Variants in GPD1L observed in about 807,000 individuals in gnomAD.
GPD1L encodes the protein glycerol-3-phosphate dehydrogenase 1 like.
In GPD1L, 17 loss-of-function variants were observed where a neutral mutation model predicts 32.9. The observed-to-expected ratio is 0.52, with a 90% CI of 0.35 to 0.78. The LOEUF is 0.78. Ranked by LOEUF, GPD1L falls within the 30% of genes least tolerant of loss-of-function variation. The probability of loss-of-function intolerance (pLI) is 0.01; values close to 1 mark genes in which losing one functional copy is unlikely to be tolerated. For synonymous variants in GPD1L, 187 were observed against 165.9 expected (o/e 1.13, Z -0.98); for missense variants, 361 against 447.8 (o/e 0.81, Z 1.75).
intron 3 of GPD1L, 40 bp downstream of exon 3, chr3:32,138,767 A>T (rs1700701193): frequency 6.2e-7 from 1 of 1,605,654 alleles, no homozygotes. Context: ...GACATTGGTT[A>T]TCAGGAAATT....
At chr3:32,153,245 C>T (rs1265375061) in intron 5 of GPD1L, among the ~76,000 whole-genome samples, 1 of 152,160 alleles carries the variant, frequency 6.6e-6, no homozygotes, top group Non-Finnish European at 1.5e-5. Flanking sequence ...CCAAAAGCAC[C>T]TTTATGTGAG....
At chr3:32,165,033 G>C (rs763378462) in intron 7 of GPD1L, among the ~76,000 whole-genome samples, 1 of 152,042 alleles carries the variant, frequency 6.6e-6, no homozygotes, top group African/African-American at 2.4e-5. Context: ...GTAAAACCCC[G>C]TCTCTACTAA....
chr3:32,159,680 TC>T lies in GPD1L; in HGVS notation c.959+7del. The T allele has an allele frequency of 6.5e-7, 1 of 1,532,024 alleles. No homozygotes were observed. Among genetic ancestry groups the T allele is most frequent in the Non-Finnish European group, 9.0e-7 (1 of 1,105,556 alleles). 94.9% of individuals were successfully genotyped at this position (1,532,024 alleles called of 1,614,324 possible). On this transcript the variant is annotated splice_region_variant and intron_variant, in intron 7 of 7. Transcript: ENST00000282541. Reference sequence around the variant, plus strand: ...CAGAAGGGACTACTGGACAAGTAAGTCTCTCAGTCGCCCATGAGACCAGATA... The same window carrying T: ...CAGAAGGGACTACTGGACAAGTAAGTTCTCAGTCGCCCATGAGACCAGATA...
At chr3:32,147,506 C>T (rs1005434157) in intron 5 of GPD1L, among the ~76,000 whole-genome samples, 2 of 152,106 alleles carry the variant, frequency 1.3e-5, no homozygotes, top group East Asian at 3.9e-4. Context: ...GGCACTGTCC[C>T]TCTCTCTGCC....
intron 5 of GPD1L, among the ~76,000 whole-genome samples, chr3:32,155,565 A>G (rs1487072831): frequency 6.6e-6 from 1 of 152,204 alleles, no homozygotes; most frequent in Admixed American, 6.5e-5. Context: ...GAGCAATTTC[A>G]GGAATCTGAC....
chr3:32,123,329 C>T (rs1414253740), intron 1 of GPD1L, among the ~76,000 whole-genome samples: 1 of 152,214 alleles, frequency 6.6e-6, no homozygotes, highest in African/African-American at 2.4e-5. Flanking sequence ...ATATTACTAC[C>T]TGCCAAGGCT....
chr3:32,130,366 C>T (rs1419493508), intron 2 of GPD1L, among the ~76,000 whole-genome samples: 1 of 152,174 alleles, frequency 6.6e-6, no homozygotes. Context: ...CAGGTAGCCA[C>T]CTAAAAGTAC....
In GPD1L at chr3:32,168,321, A is replaced by T. The variant is rs931627305; in HGVS notation, c.*2411A>T. 1 of 152,608 alleles carries T rather than the reference A, an allele frequency of 6.6e-6. No individual in the cohort carries two copies. The highest frequency in any genetic ancestry group is 6.5e-5 in the Admixed American group (1 of 15,276). 9.5% of individuals were successfully genotyped at this position (152,608 alleles called of 1,614,324 possible). On this transcript the variant is annotated 3_prime_UTR_variant, in exon 8 of 8. Transcript: ENST00000282541. ...TTGTTCATTTTAATTCACATTTCTTATGAAGTATGGTAACAGGGAGGGAGA... is the reference window on the plus strand; with the variant it reads ...TTGTTCATTTTAATTCACATTTCTTTTGAAGTATGGTAACAGGGAGGGAGA...
At chr3:32,159,879 C>T (rs751783374) in intron 7 of GPD1L, among the ~76,000 whole-genome samples, 1 of 152,182 alleles carries the variant, frequency 6.6e-6, no homozygotes, top group Non-Finnish European at 1.5e-5. Flanking sequence ...AAACCAGGCT[C>T]AACTTCAATG....
At chr3:32,130,554 G>A (rs1700572718) in intron 2 of GPD1L, among the ~76,000 whole-genome samples, 1 of 152,112 alleles carries the variant, frequency 6.6e-6, no homozygotes, top group Non-Finnish European at 1.5e-5. Context: ...CACTCATCAT[G>A]TGGCCCCTCC....
chr3:32,141,258 AT>A (rs924519312), intron 4 of GPD1L, among the ~76,000 whole-genome samples: 1 of 152,032 alleles, frequency 6.6e-6, no homozygotes. Flanking sequence ...ACTTTTTAGG[AT>A]TTTTTTGGAA....
At chr3:32,163,764 CTTG>C (rs1559584740) in intron 7 of GPD1L, among the ~76,000 whole-genome samples, 2 of 152,334 alleles carry the variant, frequency 1.3e-5, no homozygotes, top group Non-Finnish European at 2.9e-5. Flanking sequence ...CTTCATATCT[CTTG>C]TTAACATCCC....
intron 5 of GPD1L, among the ~76,000 whole-genome samples, chr3:32,149,213 C>T (rs1700875440): frequency 6.6e-6 from 1 of 152,118 alleles, no homozygotes; most frequent in Non-Finnish European, 1.5e-5. Flanking sequence ...GCACATGCTG[C>T]CATGCCCGAC....
Position 32,159,511 on chromosome 3 carries a change from A to G in GPD1L, c.853-57A>G, listed in dbSNP as rs978683261. The G allele has an allele frequency of 6.8e-6, 7 of 1,034,122 alleles. No individual in the cohort carries two copies. In the East Asian group the frequency reaches 1.5e-4, roughly 22 times the overall value. The allele number at this position is 1,034,122 out of a possible 1,614,324, so 64.1% of individuals were successfully genotyped here. A position where few individuals can be genotyped will look rare whatever the true frequency, so the allele number is the denominator to read the frequency against. On this transcript the variant is annotated intron_variant, in intron 6 of 7. Coordinates refer to ENST00000282541, the MANE Select transcript of GPD1L (RefSeq NM_015141.4). ...AAAACACTTAAAAATTAAACAAATA[A>G]ATGATTCTTTAGTCTTTACCATAGT...
intron 3 of GPD1L, among the ~76,000 whole-genome samples, chr3:32,139,318 TAC>T (rs1292584706): frequency 1.3e-5 from 2 of 152,242 alleles, no homozygotes; most frequent in Non-Finnish European, 2.9e-5. Context: ...CATTTCAGTT[TAC>T]ACCTTTTTCT....
At chr3:32,150,289 T>A (rs535087571) in intron 5 of GPD1L, among the ~76,000 whole-genome samples, 1 of 152,196 alleles carries the variant, frequency 6.6e-6, no homozygotes, top group African/African-American at 2.4e-5. Context: ...GTACTTCATA[T>A]AGAAAAGTAC....
At chr3:32,145,035 C>T (rs557182328) in intron 4 of GPD1L, among the ~76,000 whole-genome samples, 4 of 150,660 alleles carry the variant, frequency 2.7e-5, no homozygotes, top group African/African-American at 7.3e-5. Context: ...ATAAAATTCG[C>T]GGGCCGGGTG....
At chr3:32,154,816 C>T (rs1363889124) in intron 5 of GPD1L, among the ~76,000 whole-genome samples, 2 of 151,720 alleles carry the variant, frequency 1.3e-5, no homozygotes, top group African/African-American at 2.4e-5. Context: ...GGCATGATCT[C>T]GGCTCACTGC....
At chr3:32,148,130 G>C (rs1049583357) in intron 5 of GPD1L, among the ~76,000 whole-genome samples, 4 of 152,152 alleles carry the variant, frequency 2.6e-5, no homozygotes, top group African/African-American at 9.7e-5. Context: ...TCAACAGCAG[G>C]GGGCATCGTG....
Sources: gnomAD v4.1 joint callset for allele counts (sites outside exome capture counted in the v4.1 genomes callset) on GRCh38, gnomAD v4.1.1 for gene constraint, MANE v1.5 for transcripts, NCBI Gene and HGNC (gene_info 2026-07-23, HGNC 2026-07-21) for gene names.